The following SPDYE4 variants were observed in gnomAD, a reference collection of about 807,000 sequenced individuals.
The protein encoded by SPDYE4 is speedy/RINGO cell cycle regulator family member E4.
SPDYE4 carries 30 observed loss-of-function variants against 37.5 expected under a neutral mutation model. The ratio of observed to expected loss-of-function variants is 0.80; its 90% confidence interval spans 0.60 to 1.09. SPDYE4 has a LOEUF of 1.09. Among genes scored for constraint, SPDYE4 ranks in the 50% least tolerant of loss-of-function variants. SPDYE4 has a pLI of 0.00. For missense variants in SPDYE4, 300 were observed against 307.9 expected (o/e 0.97, Z 0.19); for synonymous variants, 131 against 120.3 (o/e 1.09, Z -0.58).
downstream of SPDYE4, among the ~76,000 whole-genome samples, chr17:8,750,205 A>G (rs1242661356): frequency 1.3e-5 from 2 of 152,044 alleles, no homozygotes; most frequent in Non-Finnish European, 2.9e-5. Context: ...CCCGGCCAAC[A>G]TGGTGAAATG....
At chr17:8,748,464 A>G (rs2086705164), downstream of SPDYE4, among the ~76,000 whole-genome samples, 1 of 152,256 alleles carries the variant, frequency 6.6e-6, no homozygotes, top group South Asian at 2.1e-4. Context: ...AAACCAGCAA[A>G]TGGGCCCTCA....
At chr17:8,755,967 G>A (rs1398219044) in intron 3 of SPDYE4, among the ~76,000 whole-genome samples, 1 of 152,140 alleles carries the variant, frequency 6.6e-6, no homozygotes, top group African/African-American at 2.4e-5. Context: ...CCCAGGGCCT[G>A]GATTCCAAAG....
downstream of SPDYE4, among the ~76,000 whole-genome samples, chr17:8,749,573 G>A (rs749830642): frequency 1.3e-5 from 2 of 151,714 alleles, no homozygotes. Context: ...GCCCAGTTTT[G>A]TATTTTTATA....
chr17:8,757,151 C>T lies in SPDYE4; in HGVS notation c.340+111G>A, dbSNP rs113894550. Reference sequence around the variant, plus strand: ...CTAAGCATCCTCCTCCTGCATGGAGCGCTCATCCCCCAGGAGGGCATATTC... The same window carrying T: ...CTAAGCATCCTCCTCCTGCATGGAGTGCTCATCCCCCAGGAGGGCATATTC... On this transcript the variant is annotated intron_variant, in intron 2 of 6. Transcript: ENST00000689094. The T allele has an allele frequency of 2.3e-4, 220 of 951,830 alleles. 1 individual carries two copies. In the African/African-American group the frequency reaches 3.0e-3, roughly 13 times the overall value. The allele number at this position is 951,830 out of a possible 1,614,324, so 59.0% of individuals were successfully genotyped here.
intron 1 of SPDYE4, among the ~76,000 whole-genome samples, chr17:8,757,789 T>C (rs1375837521): frequency 6.7e-6 from 1 of 148,474 alleles, no homozygotes; most frequent in African/African-American, 2.5e-5. Context: ...CTCTCTCTTT[T>C]TTTTTTTTTT....
At chr17:8,755,729 G>A in intron 3 of SPDYE4, 124 bp from the exon 4 acceptor site, 1 of 1,249,888 alleles carries the variant, frequency 8.0e-7, no homozygotes, top group Non-Finnish European at 1.1e-6. Context: ...CTCAGTGTTG[G>A]GTGACTATGC....
chr17:8,756,943 G>A (rs1026346987), intron 2 of SPDYE4, among the ~76,000 whole-genome samples: 17 of 151,720 alleles, frequency 1.1e-4, no homozygotes, highest in Non-Finnish European at 1.9e-4. Flanking sequence ...TGTCAACCAG[G>A]CTGGAGTGCA....
At chr17:8,752,400 G>T (rs912500891) in intron 6 of SPDYE4, among the ~76,000 whole-genome samples, 163 bp from the exon 7 acceptor site, 1 of 152,060 alleles carries the variant, frequency 6.6e-6, no homozygotes, top group Non-Finnish European at 1.5e-5. Context: ...CATCATTTTT[G>T]ATTCTGGTAC....
rs756110114 is a variant in SPDYE4, at chr17:8,753,503, T to C, written c.486-14A>G. On this transcript the variant is annotated splice_polypyrimidine_tract_variant and intron_variant, in intron 4 of 6. Transcript: ENST00000689094. ...CTGGCCAGGTAGCTGGGGAGAGAGA[T>C]CAGGTTGCTGCTCAGGGGCCCCACC... 116 of 1,612,600 alleles carry C rather than the reference T, an allele frequency of 7.2e-5. No individual in the cohort carries two copies. The highest frequency in any genetic ancestry group is 9.4e-5 in the Non-Finnish European group (111 of 1,179,588).
chr17:8,751,922 G>A lies in SPDYE4; in HGVS notation c.*360C>T, dbSNP rs1471393361. 6.6e-6 allele frequency among the ~76,000 whole-genome samples: 1 copy of A among 152,198 alleles called. No homozygotes were observed. The highest frequency in any genetic ancestry group is 6.5e-5 in the Admixed American group (1 of 15,284). ...AAATGCTCTGGACTGTGGCAACCAA[G>A]TCCATAGGAAACAGGAACTCCAGCT... is the stretch of plus-strand genomic sequence containing the variant. On this transcript the variant is annotated 3_prime_UTR_variant, in exon 7 of 7. Coordinates refer to ENST00000689094, the MANE Select transcript of SPDYE4 (RefSeq NM_001394956.1).
At position 8,758,481 on chromosome 17, in the gene SPDYE4, C is replaced by T; in HGVS notation, c.-99G>A. 1.7e-6 allele frequency: 2 copies of T among 1,160,978 alleles called. No homozygotes were observed. The highest frequency in any genetic ancestry group is 1.3e-6 in the Non-Finnish European group (1 of 798,058). 71.9% of individuals were successfully genotyped at this position (1,160,978 alleles called of 1,614,324 possible). A position where few individuals can be genotyped will look rare whatever the true frequency, so the allele number is the denominator to read the frequency against. ...CGTTAGGACCCAGAAGAGTGCGTTTCTCTTCTAGAGGCTCGGGAGAAGTTA... is the reference window on the plus strand; with the variant it reads ...CGTTAGGACCCAGAAGAGTGCGTTTTTCTTCTAGAGGCTCGGGAGAAGTTA... On this transcript the variant is annotated 5_prime_UTR_variant, in exon 1 of 7. Coordinates refer to ENST00000689094, the MANE Select transcript of SPDYE4 (RefSeq NM_001394956.1).
rs1279645831 is a variant in SPDYE4, at chr17:8,757,242, T to A, written c.340+20A>T. On this transcript the variant is annotated intron_variant, in intron 2 of 6. Transcript: ENST00000689094. ...TTTAAAAGAACAGGGTTGGAGGTGCTTTTTGGGGTATCCTCCTACCAAGGA... is the reference window on the plus strand; with the variant it reads ...TTTAAAAGAACAGGGTTGGAGGTGCATTTTGGGGTATCCTCCTACCAAGGA... The A allele has an allele frequency of 6.3e-7, 1 of 1,590,024 alleles. No homozygotes were observed. The highest frequency in any genetic ancestry group is 8.6e-7 in the Non-Finnish European group (1 of 1,167,374).
chr17:8,749,901 C>T (rs986015900), downstream of SPDYE4, among the ~76,000 whole-genome samples: 3 of 152,198 alleles, frequency 2.0e-5, no homozygotes, highest in African/African-American at 7.2e-5. Flanking sequence ...AATAGCTTCA[C>T]GGTTCCATGT....
At chr17:8,750,507 A>G (rs1279968648), downstream of SPDYE4, among the ~76,000 whole-genome samples, 2 of 152,226 alleles carry the variant, frequency 1.3e-5, no homozygotes, top group East Asian at 3.8e-4. Context: ...TCGGGAGATC[A>G]AGACCATCCT....
chr17:8,753,475 T>C lies in SPDYE4; in HGVS notation c.500A>G (p.Asp167Gly). The C allele has an allele frequency of 6.2e-7, 1 of 1,613,772 alleles. No individual in the cohort carries two copies. The highest frequency in any genetic ancestry group is 8.5e-7 in the Non-Finnish European group (1 of 1,179,888). Residue 167 changes from aspartate to glycine, a missense_variant, in exon 5 of 7, where the codon GAC (aspartate) becomes GGC (glycine). Asp to Gly is a moderately conservative substitution (Grantham distance 94, BLOSUM62 -1). Transcript: ENST00000689094. ...CGGGGCCTGGTTGTCCTCCTCCATG[T>C]CACTGGCCAGGTAGCTGGGGAGAGA... is the stretch of plus-strand genomic sequence containing the variant. Reference protein sequence around the residue: ...HFFLALYLASDMEEDNQAPKQ... With the variant: ...HFFLALYLASGMEEDNQAPKQ...
chr17:8,756,361 G>A lies in SPDYE4; in HGVS notation c.399+17C>T, dbSNP rs777840157. 1.2e-5 allele frequency: 18 copies of A among 1,538,494 alleles called. 1 individual carries two copies. The East Asian group carries it at 3.8e-4, about 33-fold the overall frequency. On this transcript the variant is annotated intron_variant, in intron 3 of 6. Coordinates refer to ENST00000689094, the MANE Select transcript of SPDYE4 (RefSeq NM_001394956.1). The stretch of plus-strand genomic sequence containing the variant: ...TGTGTTAAAGCAGGAACACAGTTGA[G>A]TGGAGAACAACCTTACCTTGTCTGA...
intron 5 of SPDYE4, 51 bp downstream of exon 5, chr17:8,753,270 C>T (rs1344135648): frequency 6.3e-6 from 10 of 1,595,790 alleles, no homozygotes; most frequent in Non-Finnish European, 8.5e-6. Context: ...CTCCAGCCTC[C>T]AGTCCACCCC....
chr17:8,750,787 C>T (rs570132132), downstream of SPDYE4, among the ~76,000 whole-genome samples: 8 of 152,260 alleles, frequency 5.3e-5, no homozygotes, highest in South Asian at 2.1e-4. Flanking sequence ...TAACTAAAAC[C>T]GCATTAAACA....
At chr17:8,755,688 C>T in intron 3 of SPDYE4, 83 bp from the exon 4 acceptor site, 1 of 1,510,964 alleles carries the variant, frequency 6.6e-7, no homozygotes, top group Non-Finnish European at 9.1e-7. Context: ...GGAACAGGGG[C>T]TGGGGCGCGG....
Sources: gnomAD v4.1 joint callset for allele counts (sites outside exome capture counted in the v4.1 genomes callset) on GRCh38, gnomAD v4.1.1 for gene constraint, MANE v1.5 for transcripts, NCBI Gene and HGNC (gene_info 2026-07-23, HGNC 2026-07-21) for gene names.